Variants in FARS2 observed in about 807,000 individuals in gnomAD.
FARS2 encodes the protein phenylalanine--tRNA ligase, mitochondrial.
FARS2 carries 40 observed loss-of-function variants against 46.4 expected under a neutral mutation model. The ratio of observed to expected loss-of-function variants is 0.86; its 90% CI spans 0.67 to 1.12. FARS2 has a LOEUF of 1.12. Among genes scored for constraint, FARS2 ranks in the 50% most tolerant of loss-of-function variants. FARS2 has a pLI of 0.00. For synonymous variants in FARS2, 234 were observed against 214.9 expected, an observed-to-expected ratio of 1.09 and a Z score of -0.78; for missense variants, 513 against 567.9, an observed-to-expected ratio of 0.90 and a Z score of 0.98.
intron 6 of FARS2, among the ~76,000 whole-genome samples, chr6:5,730,042 A>G (rs1282994816): frequency 6.6e-6 from 1 of 152,230 alleles, no homozygotes; most frequent in Non-Finnish European, 1.5e-5. Flanking sequence ...TTCCCTTCAG[A>G]TAAGAACCAC....
intron 6 of FARS2, among the ~76,000 whole-genome samples, chr6:5,746,534 G>T (rs184866477): frequency 6.6e-6 from 1 of 152,072 alleles, no homozygotes; most frequent in Non-Finnish European, 1.5e-5. Flanking sequence ...AAAGTTCTTT[G>T]CAAGCAGCAT....
chr6:5,732,182 G>A (rs1396941044), intron 6 of FARS2, among the ~76,000 whole-genome samples: 1 of 152,194 alleles, frequency 6.6e-6, no homozygotes, highest in Non-Finnish European at 1.5e-5. Flanking sequence ...TAGATGCTGG[G>A]GACACAAAAG....
chr6:5,426,022 G>GT (rs1346055901), intron 3 of FARS2, among the ~76,000 whole-genome samples: 3 of 151,808 alleles, frequency 2.0e-5, no homozygotes, highest in Non-Finnish European at 4.4e-5. Context: ...ACCCAGGTGT[G>GT]GTTTTTTTTC....
chr6:5,422,916 C>T (rs1762636451), intron 3 of FARS2, among the ~76,000 whole-genome samples: 1 of 152,174 alleles, frequency 6.6e-6, no homozygotes, highest in African/African-American at 2.4e-5. Context: ...TTTTTACACA[C>T]TTCCCCATGC....
chr6:5,496,386 G>C (rs1319323657), intron 4 of FARS2, among the ~76,000 whole-genome samples: 2 of 152,156 alleles, frequency 1.3e-5, no homozygotes, highest in Non-Finnish European at 2.9e-5. Flanking sequence ...GAGGAGCTTT[G>C]GGAAATTAGT....
At chr6:5,409,471 T>C (rs1355562340) in intron 3 of FARS2, among the ~76,000 whole-genome samples, 1 of 151,972 alleles carries the variant, frequency 6.6e-6, no homozygotes, top group Non-Finnish European at 1.5e-5. Flanking sequence ...AAACTTAAAT[T>C]TTAGAATAGC....
At chr6:5,466,453 A>G (rs897858700) in intron 4 of FARS2, 6 of 890,892 alleles carry the variant, frequency 6.7e-6, no homozygotes, top group South Asian at 5.2e-5. Context: ...AGTCAGCTCT[A>G]TATTCCCAGG....
intron 6 of FARS2, among the ~76,000 whole-genome samples, chr6:5,659,327 T>C (rs1024197146): frequency 8.5e-5 from 13 of 152,172 alleles, no homozygotes; most frequent in African/African-American, 2.4e-4. Flanking sequence ...GTCTAGACTT[T>C]GATTCGTTCT....
At chr6:5,416,855 G>A (rs142187676) in intron 3 of FARS2, among the ~76,000 whole-genome samples, 112 of 152,292 alleles carry the variant, frequency 7.4e-4, no homozygotes, top group African/African-American at 2.6e-3. Flanking sequence ...CCCCACTTCT[G>A]TATAGCGTAA....
intron 6 of FARS2, among the ~76,000 whole-genome samples, chr6:5,664,788 A>G (rs200335249): frequency 2.0e-5 from 3 of 152,198 alleles, no homozygotes; most frequent in East Asian, 1.9e-4. Flanking sequence ...GAAGATTCCT[A>G]TGGGTCTATC....
intron 2 of FARS2, among the ~76,000 whole-genome samples, chr6:5,392,483 A>G (rs911275025): frequency 3.9e-5 from 6 of 152,144 alleles, no homozygotes; most frequent in African/African-American, 1.4e-4. Flanking sequence ...GCTTAGCGCT[A>G]TTCTAAGCTA....
chr6:5,432,444 TAAAA>T (rs1343793885), intron 4 of FARS2, among the ~76,000 whole-genome samples: 4 of 128,786 alleles, frequency 3.1e-5, no homozygotes, highest in Admixed American at 1.9e-4. Flanking sequence ...ATATAATATA[TAAAA>T]TATATATTAT....
intron 1 of FARS2, among the ~76,000 whole-genome samples, chr6:5,296,234 C>T (rs535011660): frequency 4.2e-5 from 6 of 143,318 alleles, no homozygotes; most frequent in South Asian, 2.3e-4. Context: ...CTCCGCCTCC[C>T]GGGTTCACAC....
At chr6:5,562,289 C>T (rs1772030162) in intron 5 of FARS2, among the ~76,000 whole-genome samples, 1 of 151,518 alleles carries the variant, frequency 6.6e-6, no homozygotes, top group African/African-American at 2.4e-5. Flanking sequence ...CCCTAGGGTG[C>T]CCAGTTAAGA....
chr6:5,527,543 T>C (rs1297407000), intron 4 of FARS2, among the ~76,000 whole-genome samples: 1 of 152,262 alleles, frequency 6.6e-6, no homozygotes, highest in Non-Finnish European at 1.5e-5. Flanking sequence ...CAGTGTTTCC[T>C]CAAACTCCTC....
chr6:5,493,525 G>A (rs997071599), intron 4 of FARS2, among the ~76,000 whole-genome samples: 5 of 152,146 alleles, frequency 3.3e-5, no homozygotes, highest in East Asian at 3.8e-4. Flanking sequence ...AGTCAAAGTC[G>A]CAGTCTCTAT....
chr6:5,273,515 T>C (rs7740914), intron 1 of FARS2, among the ~76,000 whole-genome samples: 2 of 48,492 alleles, frequency 4.1e-5, no homozygotes, highest in Non-Finnish European at 9.5e-5. Context: ...TCAGATTGTG[T>C]TTTTTTTTTA....
intron 1 of FARS2, among the ~76,000 whole-genome samples, chr6:5,332,681 T>A (rs1770879050): frequency 6.6e-6 from 1 of 152,226 alleles, no homozygotes. Flanking sequence ...GGATGTAAGA[T>A]GTTACAGAGT....
At chr6:5,644,968 A>G (rs1317334484) in intron 6 of FARS2, among the ~76,000 whole-genome samples, 1 of 152,098 alleles carries the variant, frequency 6.6e-6, no homozygotes, top group Non-Finnish European at 1.5e-5. Context: ...GACTGAACAA[A>G]CTCTCAGAGC....
Sources: gnomAD v4.1 joint callset for allele counts (sites outside exome capture counted in the v4.1 genomes callset) on GRCh38, gnomAD v4.1.1 for gene constraint, MANE v1.5 for transcripts, NCBI Gene and HGNC (gene_info 2026-07-23, HGNC 2026-07-21) for gene names.